Variants in PRAM1 observed in about 807,000 individuals in gnomAD.
PRAM1 encodes the protein PML-RARA-regulated adapter molecule 1.
PRAM1 carries 41 observed loss-of-function variants against 55.3 expected under a neutral mutation model. That is an observed-to-expected ratio of 0.74 (90% CI 0.58 to 0.96). The LOEUF is 0.96. PRAM1 is among the 40% of genes least tolerant of loss of function. The probability of loss-of-function intolerance (pLI) is 0.00; values close to 1 mark genes in which losing one functional copy is unlikely to be tolerated. For missense variants in PRAM1, 898 were observed against 892.7 expected (o/e 1.01, Z -0.08); for synonymous variants, 401 against 387.1 (o/e 1.04, Z -0.42).
intron 1 of PRAM1, among the ~76,000 whole-genome samples, chr19:8,502,197 G>C (rs1246081700): frequency 1.3e-5 from 2 of 152,154 alleles, no homozygotes; most frequent in Non-Finnish European, 2.9e-5. Context: ...TGGGTGACTG[G>C]ACGGGGGAGG....
At position 8,490,437 on chromosome 19, in the gene PRAM1, A is replaced by T; in HGVS notation, c.1940+39T>A. ...CCATTCCCCCCACCCTGCACCACAC[A>T]CCCCGCACTCCCCCACCACGGTCAG... On this transcript the variant is annotated intron_variant, in intron 8 of 9. Transcript: ENST00000423345. The surrounding 1 kb of genome is among the most constrained non-coding windows in gnomAD (Gnocchi z 7.3). The T allele has an allele frequency of 6.2e-7, 1 of 1,612,674 alleles. No individual in the cohort carries two copies. The highest frequency in any genetic ancestry group is 8.5e-7 in the Non-Finnish European group (1 of 1,179,544).
Position 8,499,671 on chromosome 19 carries a change from T to A in PRAM1, c.137A>T (p.Lys46Met), listed in dbSNP as rs1382401623. 1.2e-6 allele frequency: 2 copies of A among 1,613,820 alleles called. No individual in the cohort carries two copies. Among genetic ancestry groups the A allele is most frequent in the South Asian group, 1.1e-5 (1 of 91,078 alleles). Residue 46 changes from lysine (K) to methionine (M), a missense_variant, in exon 2 of 10, where the codon AAG (lysine) becomes ATG (methionine). Physicochemically the swap from Lys to Met is moderately conservative, Grantham distance 95. Coordinates refer to ENST00000423345, the MANE Select transcript of PRAM1 (RefSeq NM_032152.5). The part of the protein sequence containing the change: ...PPKPEFGKLK[K>M]FSQPELSEHP... The stretch of plus-strand genomic sequence containing the variant: ...CTCGCTTAGCTCAGGCTGGGAGAAC[T>A]TCTTCAGTTTACCAAACTCAGGCTT...
chr19:8,500,072 C>A (rs1270568257), intron 1 of PRAM1, among the ~76,000 whole-genome samples: 1 of 124,690 alleles, frequency 8.0e-6, no homozygotes, highest in African/African-American at 3.0e-5. Flanking sequence ...ATGGGTGGTA[C>A]CCCACCCCCC....
chr19:8,501,538 C>T (rs936222908), intron 1 of PRAM1, among the ~76,000 whole-genome samples: 4 of 118,994 alleles, frequency 3.4e-5, no homozygotes, highest in Admixed American at 1.9e-4. Flanking sequence ...TGTCTCTCTA[C>T]ACCACAACTT....
intron 5 of PRAM1, 48 bp downstream of exon 5, chr19:8,491,052 G>T (rs1386326292): frequency 6.2e-7 from 1 of 1,611,800 alleles, no homozygotes. Context: ...TCCTCTGGGG[G>T]TTCCTGGAGC....
intron 4 of PRAM1, among the ~76,000 whole-genome samples, chr19:8,492,366 C>CAGCTCACTGCAACCT (rs1971642489): frequency 1.3e-5 from 2 of 152,144 alleles, no homozygotes; most frequent in Admixed American, 1.3e-4. Flanking sequence ...AAGCGATTCT[C>CAGCTCACTGCAACCT]CTGCCTCAGC....
intron 4 of PRAM1, 64 bp downstream of exon 4, chr19:8,497,700 A>G: frequency 7.3e-7 from 1 of 1,362,424 alleles, no homozygotes; most frequent in Non-Finnish European, 1.0e-6. Flanking sequence ...TTACACCAGG[A>G]GCATGGCAGA....
At chr19:8,491,319 C>T (rs1971626724) in intron 4 of PRAM1, 162 bp from the exon 5 acceptor site, 1 of 724,280 alleles carries the variant, frequency 1.4e-6, no homozygotes, top group Non-Finnish European at 2.3e-6. Flanking sequence ...CTGCAACCTT[C>T]GCCTCCTGGG....
intron 4 of PRAM1, among the ~76,000 whole-genome samples, chr19:8,495,134 C>G (rs1971680864): frequency 6.6e-6 from 1 of 151,516 alleles, no homozygotes; most frequent in African/African-American, 2.4e-5. Flanking sequence ...GAGTCTCACT[C>G]TGTCGCCCAA....
At chr19:8,500,021 GA>G (rs1971784174) in intron 1 of PRAM1, among the ~76,000 whole-genome samples, 1 of 151,806 alleles carries the variant, frequency 6.6e-6, no homozygotes, top group African/African-American at 2.4e-5. Flanking sequence ...TGGAGATCCC[GA>G]CATCCCTCCT....
chr19:8,494,644 T>TTC (rs1234115584), intron 4 of PRAM1, among the ~76,000 whole-genome samples: 1 of 151,068 alleles, frequency 6.6e-6, no homozygotes, highest in Non-Finnish European at 1.5e-5. Context: ...TTCTTTTTTT[T>TTC]TTTTTGAGAT....
rs751558428 is a variant in PRAM1 at position 8,498,665 on chromosome 19, C to T, written c.1143G>A (p.Lys381=). 1 of 1,609,774 alleles carries T rather than the reference C, an allele frequency of 6.2e-7. No individual in the cohort carries two copies. Among genetic ancestry groups the T allele is most frequent in the Non-Finnish European group, 8.5e-7 (1 of 1,178,412 alleles). The change falls in exon 2 of 10, where the codon AAG becomes AAA. Residue 381 remains lysine (K), a synonymous_variant. Transcript: ENST00000423345. ...QPEFFGDLPR[K]PPLPSSASES... is the part of the protein sequence containing the mutation. ...CGGAAGCGGAGCTGGGGAGTGGAGG[C>T]TTTCGAGGGAGATCACCGAAGAACT...
In PRAM1 at chr19:8,490,219, C is replaced by T. The variant is rs1292648826; in HGVS notation, c.1983G>A (p.Leu661=). ...GTCCCAGGGGGAGTGGTTGGTTTTC[C>T]AGGGGATCTGCCGAGGAAGCGTGAC... The part of the protein sequence containing the change: ...VYDDVDFCDP[L]ENQPLPLGR The change falls in exon 10 of 10, where the codon CTG becomes CTA. Residue 661 remains leucine (L), a synonymous_variant. Transcript: ENST00000423345. The surrounding 1 kb of genome is among the most constrained non-coding windows in gnomAD (Gnocchi z 7.3). 6.2e-7 allele frequency: 1 copy of T among 1,601,216 alleles called. No homozygotes were observed. The highest frequency in any genetic ancestry group is 8.5e-7 in the Non-Finnish European group (1 of 1,172,958).
intron 4 of PRAM1, among the ~76,000 whole-genome samples, chr19:8,492,183 C>T (rs1325158427): frequency 1.3e-5 from 2 of 151,694 alleles, no homozygotes; most frequent in African/African-American, 4.8e-5. Flanking sequence ...GATCCACCCG[C>T]CTCGGCCTCC....
At chr19:8,495,479 G>A (rs1447571767) in intron 4 of PRAM1, among the ~76,000 whole-genome samples, 1 of 151,952 alleles carries the variant, frequency 6.6e-6, no homozygotes, top group East Asian at 1.9e-4. Flanking sequence ...GACCTCAAGT[G>A]ATCCGCCCAC....
intron 4 of PRAM1, among the ~76,000 whole-genome samples, chr19:8,494,931 CCT>C (rs1971677574): frequency 6.7e-6 from 1 of 149,042 alleles, no homozygotes; most frequent in Admixed American, 6.7e-5. Context: ...CTGCGCCTGG[CCT>C]TTTTTTTTTT....
Position 8,499,298 on chromosome 19 carries a change from G to A in PRAM1, c.510C>T (p.Pro170=), listed in dbSNP as rs374005704. The A allele has an allele frequency of 6.3e-5, 102 of 1,608,800 alleles. 1 individual carries two copies. The highest frequency in any genetic ancestry group is 8.0e-5 in the Non-Finnish European group (94 of 1,177,594). ...PGAPARKPLQ[P]DELSHPARPP... is the part of the protein sequence containing the mutation. ...GTCTGGCGGGGTGACTGAGTTCGTC[G>A]GGCTGCAGGGGTTTCCGGGCCGGCG... Residue 170 remains proline (P), a synonymous_variant, in exon 2 of 10, where the codon CCC becomes CCT. Transcript: ENST00000423345.
At chr19:8,497,307 T>C (rs544300037) in intron 4 of PRAM1, among the ~76,000 whole-genome samples, 55 of 151,628 alleles carry the variant, frequency 3.6e-4, no homozygotes, top group African/African-American at 1.3e-3. Flanking sequence ...GCATCCCAAA[T>C]AGCTGGGACT....
intron 4 of PRAM1, among the ~76,000 whole-genome samples, chr19:8,496,536 C>G (rs1025421046): frequency 6.6e-6 from 1 of 151,700 alleles, no homozygotes; most frequent in Non-Finnish European, 1.5e-5. Context: ...ACCAGCCTAG[C>G]CAACATGGTG....
Sources: gnomAD v4.1 joint callset for allele counts (sites outside exome capture counted in the v4.1 genomes callset) on GRCh38, gnomAD v4.1.1 for gene constraint, Gnocchi (gnomAD v3.1) non-coding constraint, MANE v1.5 for transcripts, NCBI Gene and HGNC (gene_info 2026-07-23, HGNC 2026-07-21) for gene names.